The following PLXDC2 variants were observed in gnomAD, a reference collection of about 807,000 sequenced individuals.
The protein encoded by PLXDC2 is plexin domain containing 2.
Under a neutral mutation model 68.9 loss-of-function variants are expected in PLXDC2, and 40 were observed. The ratio of observed to expected loss-of-function variants is 0.58; its 90% CI spans 0.45 to 0.76. The LOEUF is 0.76. Ranked by LOEUF, PLXDC2 falls within the 30% of genes least tolerant of loss-of-function variation. The pLI is 0.00. For synonymous variants in PLXDC2, 243 were observed against 234.2 expected (o/e 1.04, Z -0.34); for missense variants, 644 against 661.9 (o/e 0.97, Z 0.30).
chr10:19,876,548 G>C (rs895494213), intron 1 of PLXDC2, among the ~76,000 whole-genome samples: 1 of 141,628 alleles, frequency 7.1e-6, no homozygotes, highest in African/African-American at 2.7e-5. Flanking sequence ...GTTACAGTGA[G>C]CTGAGATTGT....
intron 1 of PLXDC2, among the ~76,000 whole-genome samples, chr10:19,950,517 A>G (rs1376918737): frequency 1.3e-5 from 2 of 152,224 alleles, no homozygotes; most frequent in African/African-American, 4.8e-5. Context: ...GATAACACAG[A>G]CAAAGGGAGA....
intron 3 of PLXDC2, 33 bp from the exon 4 acceptor site, chr10:20,068,137 A>G (rs113046276): frequency 8.6e-5 from 134 of 1,564,074 alleles, no homozygotes; most frequent in African/African-American, 4.2e-4. Flanking sequence ...GCTACACATT[A>G]TTGATTTTTT....
intron 1 of PLXDC2, among the ~76,000 whole-genome samples, chr10:19,879,435 C>T (rs569356649): frequency 1.3e-5 from 2 of 152,222 alleles, no homozygotes; most frequent in Admixed American, 1.3e-4. Context: ...CTTTATATCT[C>T]TATGTGTGAC....
intron 1 of PLXDC2, among the ~76,000 whole-genome samples, chr10:19,948,913 C>T (rs897479778): frequency 1.3e-4 from 20 of 151,796 alleles, no homozygotes; most frequent in African/African-American, 3.9e-4. Context: ...GGGCAAATCA[C>T]GAGGTCAAGC....
chr10:20,204,755 G>A (rs1834967748), intron 9 of PLXDC2, among the ~76,000 whole-genome samples: 1 of 152,134 alleles, frequency 6.6e-6, no homozygotes, highest in African/African-American at 2.4e-5. Flanking sequence ...ATTTATCTGT[G>A]TCTGTTTTCA....
chr10:19,954,571 A>G (rs1042841572), intron 1 of PLXDC2, among the ~76,000 whole-genome samples: 3 of 152,242 alleles, frequency 2.0e-5, no homozygotes, highest in African/African-American at 7.2e-5. Context: ...TGTTTTCACA[A>G]TACCACTTCA....
chr10:20,113,541 TAGAC>T (rs1833584682), intron 4 of PLXDC2, among the ~76,000 whole-genome samples: 1 of 152,204 alleles, frequency 6.6e-6, no homozygotes, highest in Non-Finnish European at 1.5e-5. Context: ...GTTCCTGAGA[TAGAC>T]AGCGAATTAT....
At chr10:20,035,752 C>T (rs530124095) in intron 2 of PLXDC2, among the ~76,000 whole-genome samples, 3 of 151,886 alleles carry the variant, frequency 2.0e-5, no homozygotes, top group South Asian at 2.1e-4. Flanking sequence ...CTGGAAATAC[C>T]AGACTAAACA....
At chr10:20,127,586 A>T (rs556237190) in intron 4 of PLXDC2, among the ~76,000 whole-genome samples, 22 of 152,114 alleles carry the variant, frequency 1.4e-4, no homozygotes, top group African/African-American at 4.8e-4. Context: ...AGAAAGAAGG[A>T]CTCCTATCCA....
chr10:20,218,267 G>A (rs896992886), intron 11 of PLXDC2, among the ~76,000 whole-genome samples: 1 of 152,098 alleles, frequency 6.6e-6, no homozygotes, highest in Non-Finnish European at 1.5e-5. Context: ...GTTTGAGGGG[G>A]ATAAATGGGT....
At chr10:20,068,762 C>A (rs981048126) in intron 4 of PLXDC2, among the ~76,000 whole-genome samples, 5 of 151,574 alleles carry the variant, frequency 3.3e-5, no homozygotes, top group Admixed American at 1.3e-4. Flanking sequence ...TGAGAGTCTT[C>A]AAATAAAGCT....
At chr10:20,067,851 T>C (rs1479836899) in intron 3 of PLXDC2, among the ~76,000 whole-genome samples, 1 of 152,226 alleles carries the variant, frequency 6.6e-6, no homozygotes, top group African/African-American at 2.4e-5. Context: ...TGACCTAACA[T>C]GCTCTACTAT....
chr10:20,217,034 T>A (rs1442615357), intron 10 of PLXDC2, among the ~76,000 whole-genome samples: 3 of 152,248 alleles, frequency 2.0e-5, no homozygotes, highest in Admixed American at 2.0e-4. Flanking sequence ...ATGCACTTTT[T>A]CTCCACAAAC....
At chr10:20,007,339 TA>T (rs1835042548) in intron 2 of PLXDC2, among the ~76,000 whole-genome samples, 1 of 152,248 alleles carries the variant, frequency 6.6e-6, no homozygotes, top group Admixed American at 6.5e-5. Context: ...TGCTGTAGAA[TA>T]GTGTTGGTCA....
chr10:20,178,135 A>T (rs1007561691), intron 9 of PLXDC2, among the ~76,000 whole-genome samples: 2 of 152,156 alleles, frequency 1.3e-5, no homozygotes, highest in Non-Finnish European at 2.9e-5. Flanking sequence ...GCAATATCTC[A>T]AAGGTTATTA....
chr10:19,817,024 GC>G lies in PLXDC2; in HGVS notation c.-51del. 7.4e-7 allele frequency: 1 copy of G among 1,356,410 alleles called. No individual in the cohort carries two copies. The allele number at this position is 1,356,410 out of a possible 1,614,324, so 84.0% of individuals were successfully genotyped here. A position where few individuals can be genotyped will look rare whatever the true frequency, so the allele number is the denominator to read the frequency against. On this transcript the variant is annotated 5_prime_UTR_variant, in exon 1 of 14. Transcript: ENST00000377252. ...CCCGGTCGTGCCTATTGCATCGGGA[GC>G]CCCCGAGCACCGGCGAAGGACTGGC...
At chr10:19,899,891 A>T (rs1838129359) in intron 1 of PLXDC2, among the ~76,000 whole-genome samples, 1 of 152,132 alleles carries the variant, frequency 6.6e-6, no homozygotes, top group South Asian at 2.1e-4. Flanking sequence ...TCAAATCTTG[A>T]TATTTCTTGG....
chr10:20,134,438 C>T (rs1230747040), intron 4 of PLXDC2, among the ~76,000 whole-genome samples: 1 of 152,182 alleles, frequency 6.6e-6, no homozygotes, highest in Non-Finnish European at 1.5e-5. Flanking sequence ...TATGTTCAGG[C>T]TTACTTCTGG....
chr10:19,839,695 G>C (rs893397802), intron 1 of PLXDC2, among the ~76,000 whole-genome samples: 3 of 151,922 alleles, frequency 2.0e-5, no homozygotes, highest in Non-Finnish European at 4.4e-5. Flanking sequence ...CTGATCTGGG[G>C]CGTTCACCAA....
Sources: allele counts gnomAD v4.1 joint callset (sites outside exome capture counted in the v4.1 genomes callset), GRCh38; gene constraint gnomAD v4.1.1; transcripts MANE v1.5; gene names NCBI Gene and HGNC (gene_info 2026-07-23, HGNC 2026-07-21).